Variants in PTPN21 observed in about 807,000 individuals in gnomAD.
PTPN21 encodes protein tyrosine phosphatase non-receptor type 21, also known as tyrosine-protein phosphatase non-receptor type 21.
Under a neutral mutation model 131.8 loss-of-function variants are expected in PTPN21, and 77 were observed. That is an observed-to-expected ratio of 0.58 (90% confidence interval 0.49 to 0.71). The LOEUF (loss-of-function observed/expected upper bound fraction) is 0.71. Among genes scored for constraint, PTPN21 ranks in the 30% least tolerant of loss-of-function variants. The pLI is 0.00. For synonymous variants in PTPN21, 715 were observed against 621.3 expected (o/e 1.15, Z -2.24); for missense variants, 1,552 against 1,527.1 (o/e 1.02, Z -0.27).
Position 88,517,215 on chromosome 14 carries a change from C to T in PTPN21, c.227G>A (p.Arg76Gln), listed in dbSNP as rs780745319. 14 of 1,613,872 alleles carry T rather than the reference C, an allele frequency of 8.7e-6. No homozygotes were observed. The highest frequency in any genetic ancestry group is 2.7e-5 in the African/African-American group (2 of 74,884). Residue 76 changes from arginine to glutamine, a missense_variant, in exon 3 of 19, where the codon CGG becomes CAG. Arg to Gln is a conservative substitution (Grantham distance 43). This residue lies in a region of PTPN21 where 206 missense variants were observed against 221.6 expected (regional missense o/e 0.93). Coordinates refer to ENST00000556564, the MANE Select transcript of PTPN21 (RefSeq NM_007039.4). ...LWYYNKQNQR[R>Q]WVDLEKPLKK... ...CAAAGGTTTTTCCAAATCTACCCACCGGCGCTGATTTTGCTTGTTGTAGTA... is the reference window on the plus strand; with the variant it reads ...CAAAGGTTTTTCCAAATCTACCCACTGGCGCTGATTTTGCTTGTTGTAGTA...
chr14:88,546,907 G>C (rs927801897), intron 2 of PTPN21, among the ~76,000 whole-genome samples: 11 of 152,156 alleles, frequency 7.2e-5, no homozygotes, highest in African/African-American at 2.4e-4. Context: ...GGCTTTCAAA[G>C]AAAAAGTTTG....
intron 10 of PTPN21, among the ~76,000 whole-genome samples, chr14:88,491,117 C>G (rs780594630): frequency 1.2e-4 from 18 of 151,470 alleles, no homozygotes; most frequent in Non-Finnish European, 1.8e-4. Context: ...AATATCCTCA[C>G]TTTATAATTT....
intron 2 of PTPN21, among the ~76,000 whole-genome samples, chr14:88,545,618 G>C (rs1268303306): frequency 2.0e-5 from 3 of 152,218 alleles, no homozygotes; most frequent in African/African-American, 7.2e-5. Flanking sequence ...CAACAGCTTT[G>C]AGAAACTACT....
In PTPN21 at chr14:88,518,384, G is replaced by GTCTATATATATA. The variant is rs1383018796; in HGVS notation, c.181-1124_181-1123insTATATATATAGA. ...TACACGTGTGTGTGTATGTGTGTGT[G>GTCTATATATATA]TGTATATATATATATATATATATAT... On this transcript the variant is annotated intron_variant, in intron 2 of 18. Transcript: ENST00000556564. Among the ~76,000 whole-genome samples, 5 of 13,330 alleles carry GTCTATATATATA rather than the reference G, an allele frequency of 3.8e-4. No individual in the cohort carries two copies. The East Asian group carries it at 8.2e-3, about 22-fold the overall frequency. 8.7% of individuals were successfully genotyped at this position (13,330 alleles called of 152,430 possible).
At position 88,476,190 on chromosome 14, in the gene PTPN21, T is replaced by G. The variant is rs564834905; in HGVS notation, c.2512-2388A>C. On this transcript the variant is annotated intron_variant, in intron 13 of 18. Transcript: ENST00000556564. The stretch of plus-strand genomic sequence containing the variant: ...TAAACCTCCATAACCTTAATTCACA[T>G]TAGGAAATTTGTTGTAACGATTAAG... Among the ~76,000 whole-genome samples, 265 of 152,268 alleles carry G rather than the reference T, an allele frequency of 1.7e-3. 1 individual carries two copies. The highest frequency in any genetic ancestry group is 5.8e-3 in the African/African-American group (243 of 41,548).
Position 88,515,233 on chromosome 14 carries a change from C to T in PTPN21, c.350+1859G>A, listed in dbSNP as rs566152890. 4.6e-5 allele frequency: 7 copies of T among 152,230 alleles called. No individual in the cohort carries two copies. The East Asian group carries it at 5.8e-4, about 13-fold the overall frequency. 9.4% of individuals were successfully genotyped at this position (152,230 alleles called of 1,614,324 possible). On this transcript the variant is annotated intron_variant, in intron 3 of 18. Coordinates refer to ENST00000556564, the MANE Select transcript of PTPN21 (RefSeq NM_007039.4). The stretch of plus-strand genomic sequence containing the variant: ...ATATATAGCTATACTTAATCCTTAC[C>T]GATACAACTTCTCTATCAGGTGCTC...
chr14:88,475,731 A>T (rs535390881), intron 13 of PTPN21, among the ~76,000 whole-genome samples: 27 of 152,218 alleles, frequency 1.8e-4, no homozygotes, highest in Admixed American at 1.8e-3. Context: ...TGTCACATCA[A>T]TTGGCTCACA....
intron 10 of PTPN21, among the ~76,000 whole-genome samples, chr14:88,490,682 C>G (rs2077809941): frequency 6.6e-6 from 1 of 152,204 alleles, no homozygotes; most frequent in Non-Finnish European, 1.5e-5. Context: ...TTACAAAAGT[C>G]TCCGGAACCA....
chr14:88,494,830 G>A (rs1324170036), intron 10 of PTPN21, among the ~76,000 whole-genome samples: 2 of 151,550 alleles, frequency 1.3e-5, no homozygotes. Context: ...TGGCCAACAT[G>A]GTGAAACCCC....
chr14:88,529,758 G>A (rs565437215), intron 2 of PTPN21, among the ~76,000 whole-genome samples: 1 of 152,268 alleles, frequency 6.6e-6, no homozygotes, highest in South Asian at 2.1e-4. Flanking sequence ...AAGGTGGGCA[G>A]ACCACTTGAG....
chr14:88,504,428 T>C lies in PTPN21; in HGVS notation c.584A>G (p.Tyr195Cys). 3 of 1,594,082 alleles carry C rather than the reference T, an allele frequency of 1.9e-6. No homozygotes were observed. The highest frequency in any genetic ancestry group is 1.7e-4 in the Middle Eastern group (1 of 6,030). Residue 195 changes from tyrosine (Y) to cysteine (C), a missense_variant, in exon 6 of 19, where the codon TAC (tyrosine) becomes TGC (cysteine). By Grantham distance (194) the Tyr-to-Cys change is radical (BLOSUM62 -2). Around this residue, in one of 4 missense-constraint regions of PTPN21, gnomAD observed 14 missense variants for 43.5 expected, o/e 0.32. Transcript: ENST00000556564. ...ATGTCTTATTTCTTAGAGTTACCTG[T>C]ATTTCTGATGTAGTAAGGCCACTTT... ...TQKVALLHQK[Y>C]RGLTAPDAEM...
intron 10 of PTPN21, among the ~76,000 whole-genome samples, chr14:88,488,834 T>TA (rs948632655): frequency 5.9e-5 from 9 of 151,830 alleles, no homozygotes; most frequent in East Asian, 3.9e-4. Context: ...CTGGTGTCTT[T>TA]AAAAAAAAGA....
intron 2 of PTPN21, chr14:88,547,574 G>A (rs2078801592): frequency 6.8e-6 from 3 of 440,386 alleles, no homozygotes; most frequent in South Asian, 3.3e-5. Context: ...GATCACTTGA[G>A]CCTAGGTGTT....
In PTPN21 at chr14:88,479,250, C is replaced by T; in HGVS notation, c.2181G>A (p.Ala727=). The T allele has an allele frequency of 1.2e-6, 2 of 1,610,504 alleles. No individual in the cohort carries two copies. Among genetic ancestry groups the T allele is most frequent in the Non-Finnish European group, 1.7e-6 (2 of 1,178,456 alleles). ...GAGGCTCGCGCGCACGTGCAGGAGGCGCCCGGGCCCCGCTCTCCTCCTCGA... is the reference window on the plus strand; with the variant it reads ...GAGGCTCGCGCGCACGTGCAGGAGGTGCCCGGGCCCCGCTCTCCTCCTCGA... The part of the protein sequence containing the change: ...EDFEEESGAR[A]PPARAREPRP... The change falls in exon 13 of 19, where the codon GCG becomes GCA. Residue 727 remains alanine, a synonymous_variant. Transcript: ENST00000556564.
rs1310707092 is a variant in PTPN21, at chr14:88,478,977, C to G, written c.2454G>C (p.Pro818=). 5 of 1,570,226 alleles carry G rather than the reference C, an allele frequency of 3.2e-6. No homozygotes were observed. In the East Asian group the frequency reaches 6.9e-5, roughly 22 times the overall value. ...RARRDSLKKR[P]VSDLLSGKKN... The stretch of plus-strand genomic sequence containing the variant: ...TCTTCCCAGAGAGAAGGTCCGACAC[C>G]GGCCTTTTCTTCAGAGAGTCCCTCC... The change falls in exon 13 of 19, where the codon CCG becomes CCC. Residue 818 remains proline, a synonymous_variant. Transcript: ENST00000556564.
intron 10 of PTPN21, among the ~76,000 whole-genome samples, chr14:88,490,995 C>A (rs2077814926): frequency 6.6e-6 from 1 of 152,124 alleles, no homozygotes; most frequent in Non-Finnish European, 1.5e-5. Context: ...AGTTCTGGGG[C>A]TTAGAGTGAG....
At chr14:88,541,063 A>C (rs2078698503) in intron 2 of PTPN21, among the ~76,000 whole-genome samples, 1 of 152,226 alleles carries the variant, frequency 6.6e-6, no homozygotes, top group South Asian at 2.1e-4. Context: ...ACTTATTTAA[A>C]ATAACAAAAC....
chr14:88,550,362 C>G lies in PTPN21; in HGVS notation c.56G>C (p.Ser19Thr), dbSNP rs781430898. 1.2e-6 allele frequency: 2 copies of G among 1,614,234 alleles called. No homozygotes were observed. Among genetic ancestry groups the G allele is most frequent in the African/African-American group, 1.3e-5 (1 of 75,062 alleles). Residue 19 changes from serine (S) to threonine (T), a missense_variant, in exon 2 of 19, where the codon AGC becomes ACC. Coordinates refer to ENST00000556564, the MANE Select transcript of PTPN21 (RefSeq NM_007039.4). The stretch of plus-strand genomic sequence containing the variant: ...GATCCGGGCAACCAGGCAACTCTTG[C>G]TGGACACCGTGTAGCGCCGGGTGCG... Reference protein sequence around the residue: ...LKRTRRYTVSSKSCLVARIQL... With the variant: ...LKRTRRYTVSTKSCLVARIQL...
intron 10 of PTPN21, among the ~76,000 whole-genome samples, chr14:88,495,826 A>C (rs550324145): frequency 6.6e-5 from 10 of 152,306 alleles, no homozygotes; most frequent in African/African-American, 2.4e-4. Context: ...TCACTGGACG[A>C]AAGTCACCTG....
Sources: allele counts gnomAD v4.1 joint callset (sites outside exome capture counted in the v4.1 genomes callset), GRCh38; gene constraint gnomAD v4.1.1; regional missense constraint gnomAD v4.1.1; transcripts MANE v1.5; gene names NCBI Gene and HGNC (gene_info 2026-07-23, HGNC 2026-07-21).